The following FBN1 variants were observed in gnomAD, a reference collection of about 807,000 sequenced individuals.
FBN1 encodes fibrillin-1.
In FBN1, 29 loss-of-function variants were observed where a neutral mutation model predicts 365.1. The observed-to-expected ratio is 0.08, with a 90% CI of 0.06 to 0.11. FBN1 has a LOEUF of 0.11. Among genes scored for constraint, FBN1 ranks in the 10% least tolerant of loss-of-function variants. The probability of loss-of-function intolerance (pLI) is 1.00; values close to 1 mark genes in which losing one functional copy is unlikely to be tolerated. For missense variants in FBN1, 2,476 were observed against 3,703.2 expected (o/e 0.67, Z 8.60); for synonymous variants, 1,210 against 1,270.5 (o/e 0.95, Z 1.01).
At chr15:48,629,970 T>C (rs1597643508) in intron 2 of FBN1, among the ~76,000 whole-genome samples, 1 of 152,344 alleles carries the variant, frequency 6.6e-6, no homozygotes, top group African/African-American at 2.4e-5. Flanking sequence ...AATCCCAACA[T>C]GTGTACCATG....
chr15:48,587,586 T>C (rs2044447353), intron 6 of FBN1, among the ~76,000 whole-genome samples: 1 of 152,210 alleles, frequency 6.6e-6, no homozygotes, highest in Non-Finnish European at 1.5e-5. Flanking sequence ...TACAAGCCTC[T>C]AAATCTGTAC....
intron 56 of FBN1, 122 bp downstream of exon 56, chr15:48,430,549 G>T: frequency 1.9e-6 from 2 of 1,075,508 alleles, no homozygotes; most frequent in South Asian, 1.3e-5. Flanking sequence ...GTCCTGACAT[G>T]CGGTTAAGAG....
chr15:48,485,238 T>C (rs2043495111), intron 30 of FBN1, 136 bp downstream of exon 30: 1 of 1,115,436 alleles, frequency 9.0e-7, no homozygotes, highest in Non-Finnish European at 1.3e-6. Context: ...AATAGGTATC[T>C]TGATTAAGGA....
chr15:48,558,332 G>A (rs931580230), intron 6 of FBN1, among the ~76,000 whole-genome samples: 2 of 152,132 alleles, frequency 1.3e-5, no homozygotes, highest in Admixed American at 6.5e-5. Flanking sequence ...ATTAGCATAA[G>A]GTTTAGTTTT....
chr15:48,537,958 G>T, intron 6 of FBN1, 150 bp from the exon 7 acceptor site: 1 of 818,480 alleles, frequency 1.2e-6, no homozygotes, highest in Non-Finnish European at 2.0e-6. Flanking sequence ...GTAAGGCCTT[G>T]GATAGACCAT....
At chr15:48,474,674 G>T in intron 32 of FBN1, 24 bp from the exon 33 acceptor site, 1 of 1,613,968 alleles carries the variant, frequency 6.2e-7, no homozygotes, top group Non-Finnish European at 8.5e-7. Flanking sequence ...CAGTGATTTA[G>T]AAAAAGGCTC....
chr15:48,452,789 A>G (rs2043211572), intron 44 of FBN1, 105 bp from the exon 45 acceptor site: 1 of 1,330,694 alleles, frequency 7.5e-7, no homozygotes, highest in Non-Finnish European at 1.1e-6. Context: ...GATCTGTTCT[A>G]TTGAAAAGAC....
chr15:48,626,941 G>A (rs1889895552), intron 2 of FBN1, among the ~76,000 whole-genome samples: 1 of 152,150 alleles, frequency 6.6e-6, no homozygotes, highest in African/African-American at 2.4e-5. Context: ...TCAAGAAAAT[G>A]TATTGGTGTG....
At chr15:48,473,578 T>C (rs2043394810) in intron 34 of FBN1, among the ~76,000 whole-genome samples, 1 of 152,232 alleles carries the variant, frequency 6.6e-6, no homozygotes, top group Non-Finnish European at 1.5e-5. Flanking sequence ...TTCATTAATA[T>C]ATTATTGCAA....
At chr15:48,554,904 T>C (rs550493762) in intron 6 of FBN1, among the ~76,000 whole-genome samples, 1 of 152,352 alleles carries the variant, frequency 6.6e-6, no homozygotes, top group East Asian at 1.9e-4. Context: ...ATATTTAAGA[T>C]ATTTAATTTT....
intron 8 of FBN1, among the ~76,000 whole-genome samples, chr15:48,530,119 T>C (rs1170687917): frequency 2.5e-5 from 3 of 120,684 alleles, no homozygotes; most frequent in African/African-American, 5.9e-5. Context: ...TTATCCATGC[T>C]GCATCCGCCG....
rs1001168934 is a variant in FBN1, at chr15:48,550,486, C to T, written c.539-12678G>A. ...CCACCTCAACAGCTTCTTTATTGCC[C>T]CTCCTCTGAAATTCAATTGCTACTG... On this transcript the variant is annotated intron_variant, in intron 6 of 65. Coordinates refer to ENST00000316623, the MANE Select transcript of FBN1 (RefSeq NM_000138.5). 1.5e-4 allele frequency among the ~76,000 whole-genome samples: 23 copies of T among 152,216 alleles called. No individual in the cohort carries two copies. In the South Asian group the frequency reaches 1.9e-3, roughly 12 times the overall value.
At chr15:48,550,473 C>T (rs1871485) in intron 6 of FBN1, among the ~76,000 whole-genome samples, 17,941 of 152,104 alleles carry the variant, frequency 0.12, 1,237 homozygotes, top group Non-Finnish European at 0.15. Flanking sequence ...ACCTCAACAG[C>T]TTCTTTATTG....
rs751115639 is a variant in FBN1 at position 48,444,672 on chromosome 15, A to C, written c.5918-12T>G. 2.5e-6 allele frequency: 4 copies of C among 1,613,030 alleles called. No homozygotes were observed. The Admixed American group carries it at 5.0e-5, about 20-fold the overall frequency. On this transcript the variant is annotated splice_polypyrimidine_tract_variant and intron_variant, in intron 48 of 65. Transcript: ENST00000316623. The stretch of plus-strand genomic sequence containing the variant: ...ACATTCATTGATATCTGCAAAGAAA[A>C]GGGAAAAATAAGGAAGAGGTTCCCA...
intron 25 of FBN1, among the ~76,000 whole-genome samples, chr15:48,489,200 ATTTTTTTTTTTT>A (rs756179079): frequency 4.5e-4 from 22 of 48,456 alleles, no homozygotes; most frequent in South Asian, 1.2e-3. Context: ...ATGCCTAGAT[ATTTTTTTTTTTT>A]TTTTTTTTTT....
At chr15:48,525,486 G>A (rs1392165262) in intron 9 of FBN1, among the ~76,000 whole-genome samples, 2 of 152,176 alleles carry the variant, frequency 1.3e-5, no homozygotes, top group Non-Finnish European at 2.9e-5. Context: ...GCTATGCCTA[G>A]AATGTGTGTG....
intron 36 of FBN1, among the ~76,000 whole-genome samples, chr15:48,470,264 C>T (rs77374680): frequency 2.6e-5 from 4 of 152,116 alleles, no homozygotes; most frequent in East Asian, 1.9e-4. Context: ...ATTGCAACAA[C>T]GAAGTACAAG....
At chr15:48,612,906 A>AACCT (rs2044667857) in intron 3 of FBN1, 104 bp downstream of exon 3, 1 of 865,962 alleles carries the variant, frequency 1.2e-6, no homozygotes, top group Admixed American at 1.7e-5. Flanking sequence ...TGTACTATCA[A>AACCT]CAGATTAATA....
At chr15:48,524,113 T>C (rs1467191253) in intron 9 of FBN1, among the ~76,000 whole-genome samples, 1 of 152,074 alleles carries the variant, frequency 6.6e-6, no homozygotes, top group African/African-American at 2.4e-5. Flanking sequence ...TTATGACTCC[T>C]AGGAGTCGAA....
Sources: allele counts gnomAD v4.1 joint callset (sites outside exome capture counted in the v4.1 genomes callset), GRCh38; gene constraint gnomAD v4.1.1; transcripts MANE v1.5; gene names NCBI Gene and HGNC (gene_info 2026-07-23, HGNC 2026-07-21).